FANK1: variants seen among roughly 807,000 people sequenced by gnomAD.
FANK1 encodes fibronectin type 3 and ankyrin repeat domains protein 1.
In FANK1, 44 loss-of-function variants were observed where a neutral mutation model predicts 45.3. The observed-to-expected ratio is 0.97, with a 90% CI of 0.76 to 1.25. The LOEUF (loss-of-function observed/expected upper bound fraction) is 1.25. Among genes scored for constraint, FANK1 ranks in the 50% most tolerant of loss-of-function variants. FANK1 has a pLI of 0.00. For missense variants in FANK1, 391 were observed against 424.4 expected, an observed-to-expected ratio of 0.92 and a Z score of 0.69; for synonymous variants, 149 against 152.5, an observed-to-expected ratio of 0.98 and a Z score of 0.17.
chr10:125,950,428 C>T (rs898082056), intron 1 of FANK1, among the ~76,000 whole-genome samples: 10 of 149,274 alleles, frequency 6.7e-5, no homozygotes, highest in Non-Finnish European at 1.5e-4. Context: ...AAGAAAAAAA[C>T]AAACAACCCC....
intron 1 of FANK1, among the ~76,000 whole-genome samples, chr10:125,948,937 A>G (rs201152469): frequency 0.39 from 55,533 of 144,160 alleles, 10,950 homozygotes; most frequent in Non-Finnish European, 0.44. Flanking sequence ...AGTGGGCTTC[A>G]TCCCTGGGAT....
chr10:125,998,326 C>G (rs949382639), intron 6 of FANK1, among the ~76,000 whole-genome samples: 3 of 152,168 alleles, frequency 2.0e-5, no homozygotes, highest in African/African-American at 7.2e-5. Context: ...GGCCTATCTT[C>G]TACATTTACA....
At chr10:125,989,557 TG>T (rs1951790136) in intron 3 of FANK1, 2 of 717,384 alleles carry the variant, frequency 2.8e-6, no homozygotes, top group African/African-American at 3.5e-5. Context: ...TTTTGAGCTG[TG>T]GTACCTTCAG....
chr10:125,905,130 C>CAAA (rs11289535), intron 1 of FANK1, among the ~76,000 whole-genome samples: 28 of 68,124 alleles, frequency 4.1e-4, no homozygotes, highest in East Asian at 1.8e-3. Flanking sequence ...GACTCTGTCC[C>CAAA]AAAAAAAAAA....
chr10:125,914,981 T>A lies in FANK1; in HGVS notation c.13+18326T>A, dbSNP rs150295598. Among the ~76,000 whole-genome samples, 1,082 of 152,208 alleles carry A rather than the reference T, an allele frequency of 7.1e-3. 12 individuals are homozygous for A. The highest frequency in any genetic ancestry group is 0.025 in the African/African-American group (1,020 of 41,502). On this transcript the variant is annotated intron_variant, in intron 1 of 10. Coordinates refer to ENST00000368693, the MANE Select transcript of FANK1 (RefSeq NM_145235.5). ...AAAGCACTTGACAAAGCCCAGGGAA[T>A]GGTCGGGAGAGACTGGTAGATCCAG...
chr10:125,990,748 A>G (rs1951869757), intron 3 of FANK1, among the ~76,000 whole-genome samples: 2 of 152,174 alleles, frequency 1.3e-5, no homozygotes, highest in South Asian at 4.1e-4. Flanking sequence ...TCACACTGCT[A>G]ATAAAGACAT....
At chr10:125,976,298 ATCT>A (rs1032507245) in intron 1 of FANK1, among the ~76,000 whole-genome samples, 82 of 152,260 alleles carry the variant, frequency 5.4e-4, no homozygotes, top group African/African-American at 1.8e-3. Context: ...CTTGAAGATG[ATCT>A]TCTTGTGTAG....
chr10:125,982,694 C>G (rs1951296898), intron 2 of FANK1, among the ~76,000 whole-genome samples: 1 of 152,208 alleles, frequency 6.6e-6, no homozygotes, highest in African/African-American at 2.4e-5. Context: ...ATCAGTCTAT[C>G]TGGAAACAAT....
At chr10:125,919,498 G>A (rs865789624) in intron 1 of FANK1, among the ~76,000 whole-genome samples, 4 of 122,636 alleles carry the variant, frequency 3.3e-5, no homozygotes, top group Admixed American at 8.4e-5. Context: ...GAGCCACTGC[G>A]CCTGGCTGCT....
Position 125,999,260 on chromosome 10 carries a change from C to T in FANK1, c.539+1775C>T, listed in dbSNP as rs997515339. On this transcript the variant is annotated intron_variant, in intron 6 of 10. Coordinates refer to ENST00000368693, the MANE Select transcript of FANK1 (RefSeq NM_145235.5). ...TGTCCTCCAGATTGGAGTGCAGTGG[C>T]GCGATCTCAGCCCACTGCAAGCTCT... 8.4e-5 allele frequency among the ~76,000 whole-genome samples: 12 copies of T among 143,094 alleles called. No individual in the cohort carries two copies. In the South Asian group the frequency reaches 1.8e-3, roughly 21 times the overall value. 93.9% of individuals were successfully genotyped at this position (143,094 alleles called of 152,430 possible).
chr10:125,989,809 G>A (rs977090577), intron 3 of FANK1, among the ~76,000 whole-genome samples: 2 of 152,222 alleles, frequency 1.3e-5, no homozygotes, highest in African/African-American at 2.4e-5. Flanking sequence ...TCTGTGTGCT[G>A]AAGGAAGGCA....
chr10:126,008,975 T>C (rs1953448695), intron 8 of FANK1, 79 bp from the exon 9 acceptor site: 1 of 1,373,698 alleles, frequency 7.3e-7, no homozygotes, highest in Non-Finnish European at 1.0e-6. Context: ...GGACCCTGCA[T>C]GTGCCAGGCT....
At chr10:125,905,143 AAAAAAAAC>A (rs1945392124) in intron 1 of FANK1, among the ~76,000 whole-genome samples, 2 of 93,826 alleles carry the variant, frequency 2.1e-5, no homozygotes, top group African/African-American at 7.9e-5. Flanking sequence ...AAAAAAAAAA[AAAAAAAAC>A]AAAAAAAACG....
chr10:125,934,492 C>T (rs1358203750), intron 1 of FANK1, among the ~76,000 whole-genome samples: 1 of 151,894 alleles, frequency 6.6e-6, no homozygotes, highest in South Asian at 2.1e-4. Context: ...ATGAAGGCTC[C>T]GGGATGTCTG....
chr10:125,962,282 C>T (rs1240602656), intron 1 of FANK1, among the ~76,000 whole-genome samples: 1 of 152,186 alleles, frequency 6.6e-6, no homozygotes, highest in Non-Finnish European at 1.5e-5. Context: ...TCCACTGAAT[C>T]CTAGCAATTA....
intron 1 of FANK1, among the ~76,000 whole-genome samples, chr10:125,912,319 G>C (rs2134116555): frequency 6.6e-6 from 1 of 152,302 alleles, no homozygotes; most frequent in South Asian, 2.1e-4. Flanking sequence ...CCAGTGAAGA[G>C]TGAAATAGGA....
chr10:125,962,511 A>AT (rs1161502488), intron 1 of FANK1, among the ~76,000 whole-genome samples: 1 of 151,816 alleles, frequency 6.6e-6, no homozygotes, highest in African/African-American at 2.4e-5. Flanking sequence ...ATTCTCAGTC[A>AT]TTTTTTCTGT....
chr10:125,983,720 C>T lies in FANK1; in HGVS notation c.191+3382C>T, dbSNP rs1041395851. The stretch of plus-strand genomic sequence containing the variant: ...GGAACAAGGAGGAAAATAATGGGGG[C>T]GAGGGCAGCTGGGTCATGAGAGGTC... On this transcript the variant is annotated intron_variant, in intron 2 of 10. Coordinates refer to ENST00000368693, the MANE Select transcript of FANK1 (RefSeq NM_145235.5). This position sits in a 1 kb window ranked among gnomAD's most constrained non-coding sequence, Gnocchi z 4.3. 1.3e-5 allele frequency among the ~76,000 whole-genome samples: 2 copies of T among 151,990 alleles called. No individual in the cohort carries two copies. The highest frequency in any genetic ancestry group is 6.6e-5 in the Admixed American group (1 of 15,250).
chr10:125,965,823 TACCCATATA>T (rs1271160251), intron 1 of FANK1, among the ~76,000 whole-genome samples: 1 of 152,234 alleles, frequency 6.6e-6, no homozygotes, highest in Non-Finnish European at 1.5e-5. Flanking sequence ...TACTACCTGT[TACCCATATA>T]GAACTCCAAG....
Sources: allele counts gnomAD v4.1 joint callset (sites outside exome capture counted in the v4.1 genomes callset), GRCh38; gene constraint gnomAD v4.1.1; non-coding constraint Gnocchi (gnomAD v3.1); transcripts MANE v1.5; gene names NCBI Gene and HGNC (gene_info 2026-07-23, HGNC 2026-07-21).